Variants in WWC2 observed in about 807,000 individuals in gnomAD.
WWC2 encodes protein WWC2.
Under a neutral mutation model 138.5 loss-of-function variants are expected in WWC2, and 101 were observed. The observed-to-expected ratio is 0.73, with a 90% CI of 0.62 to 0.86. The LOEUF (loss-of-function observed/expected upper bound fraction) is 0.86, where lower values mean the gene tolerates loss of function less well. Among genes scored for constraint, WWC2 ranks in the 40% least tolerant of loss-of-function variants. The probability of loss-of-function intolerance (pLI) is 0.00; values close to 1 mark genes in which losing one functional copy is unlikely to be tolerated. For missense variants in WWC2, 1,420 were observed against 1,419.4 expected (o/e 1.00, Z -0.01); for synonymous variants, 558 against 538.4 (o/e 1.04, Z -0.50).
chr4:183,112,621 C>T (rs370716729), intron 1 of WWC2, among the ~76,000 whole-genome samples: 11 of 152,254 alleles, frequency 7.2e-5, no homozygotes, highest in East Asian at 1.9e-4. Context: ...TTCGGGGACA[C>T]GGTGTTGAAT....
rs78551452 is a variant in WWC2 at position 183,157,302 on chromosome 4, T to G, written c.132-36297T>G. Among the ~76,000 whole-genome samples the G allele has an allele frequency of 7.4e-3, 1,121 of 152,328 alleles. 35 individuals are homozygous for G. The highest frequency in any genetic ancestry group is 0.019 in the East Asian group (98 of 5,186). ...TAGATTCAGGTTATGCATTTTTGGCTGAAGTACGCTGTGTCCTTCTCAACA... is the reference window on the plus strand; with the variant it reads ...TAGATTCAGGTTATGCATTTTTGGCGGAAGTACGCTGTGTCCTTCTCAACA... On this transcript the variant is annotated intron_variant, in intron 1 of 22. Transcript: ENST00000403733.
chr4:183,319,482 C>T lies in WWC2; in HGVS notation c.*3753C>T, dbSNP rs745529424. 2 of 1,408,224 alleles carry T rather than the reference C, an allele frequency of 1.4e-6. No individual in the cohort carries two copies. The highest frequency in any genetic ancestry group is 4.5e-5 in the Admixed American group (2 of 44,186). 87.2% of individuals were successfully genotyped at this position (1,408,224 alleles called of 1,614,324 possible). ...AAAAATCAAAAGCACAGTGAGATGA[C>T]TAGAGCGGGACATCCTACCAAATCC... On this transcript the variant is annotated 3_prime_UTR_variant, in exon 23 of 23. Coordinates refer to ENST00000403733, the MANE Select transcript of WWC2 (RefSeq NM_024949.6).
In WWC2 at chr4:183,254,537, T is replaced by C. The variant is rs1737080213; in HGVS notation, c.1196+538T>C. Among the ~76,000 whole-genome samples, 4 of 152,342 alleles carry C rather than the reference T, an allele frequency of 2.6e-5. No individual in the cohort carries two copies. The South Asian group carries it at 8.3e-4, about 32-fold the overall frequency. On this transcript the variant is annotated intron_variant, in intron 9 of 22. Coordinates refer to ENST00000403733, the MANE Select transcript of WWC2 (RefSeq NM_024949.6). Reference sequence around the variant, plus strand: ...AATACTCTAGGCAATTTTCCCATCTTTCTCTGGGAAGGTGTGAGTTGATTA... The same window carrying C: ...AATACTCTAGGCAATTTTCCCATCTCTCTCTGGGAAGGTGTGAGTTGATTA...
intron 1 of WWC2, among the ~76,000 whole-genome samples, chr4:183,118,025 G>C (rs977476225): frequency 8.6e-5 from 13 of 151,696 alleles, no homozygotes; most frequent in East Asian, 3.9e-4. Flanking sequence ...GTCTTGAACT[G>C]CTGACTTCGT....
chr4:183,312,148 A>G (rs754897180), intron 21 of WWC2, among the ~76,000 whole-genome samples, 193 bp from the exon 22 acceptor site: 2 of 152,196 alleles, frequency 1.3e-5, no homozygotes, highest in Non-Finnish European at 2.9e-5. Flanking sequence ...TTACCCCAAA[A>G]TCAACATATG....
intron 1 of WWC2, among the ~76,000 whole-genome samples, chr4:183,192,042 C>G (rs951667647): frequency 6.6e-6 from 1 of 152,158 alleles, no homozygotes; most frequent in African/African-American, 2.4e-5. Context: ...GTATTTGTAA[C>G]AAGGTCCCAG....
chr4:183,222,662 T>A (rs1735965401), intron 4 of WWC2, among the ~76,000 whole-genome samples: 1 of 152,114 alleles, frequency 6.6e-6, no homozygotes. Flanking sequence ...AGAACAAATT[T>A]ACCTTACATA....
chr4:183,117,893 C>T (rs970387422), intron 1 of WWC2, among the ~76,000 whole-genome samples: 2 of 151,852 alleles, frequency 1.3e-5, no homozygotes, highest in Non-Finnish European at 1.5e-5. Flanking sequence ...TGCCGCTTCC[C>T]GGGTTCAAGC....
At chr4:183,255,352 G>T (rs1737103534) in intron 9 of WWC2, among the ~76,000 whole-genome samples, 1 of 152,274 alleles carries the variant, frequency 6.6e-6, no homozygotes, top group South Asian at 2.1e-4. Flanking sequence ...AGGCAAGGGA[G>T]AATTAATTTG....
intron 1 of WWC2, among the ~76,000 whole-genome samples, chr4:183,172,427 G>A (rs1734316373): frequency 6.6e-6 from 1 of 152,040 alleles, no homozygotes; most frequent in Admixed American, 6.6e-5. Context: ...TCTCATATGT[G>A]ATTAATATTT....
chr4:183,253,588 A>G lies in WWC2; in HGVS notation c.954-169A>G, dbSNP rs1002730936. On this transcript the variant is annotated intron_variant, in intron 8 of 22. Coordinates refer to ENST00000403733, the MANE Select transcript of WWC2 (RefSeq NM_024949.6). ...AGACAGGCCCAGAGACTGGTGTGCA[A>G]GGCTGCTGCTCCCACTCCGGCCTCT... 2.6e-5 allele frequency among the ~76,000 whole-genome samples: 4 copies of G among 152,120 alleles called. No individual in the cohort carries two copies. The South Asian group carries it at 8.3e-4, about 31-fold the overall frequency.
intron 1 of WWC2, among the ~76,000 whole-genome samples, chr4:183,107,402 C>T (rs909145478): frequency 1.3e-5 from 2 of 152,290 alleles, no homozygotes; most frequent in East Asian, 3.9e-4. Flanking sequence ...CCTACCTTGG[C>T]CTTCCAAAGT....
At chr4:183,294,905 A>C (rs1248085836) in intron 21 of WWC2, among the ~76,000 whole-genome samples, 1 of 152,200 alleles carries the variant, frequency 6.6e-6, no homozygotes, top group Non-Finnish European at 1.5e-5. Context: ...GGTAAAGTAG[A>C]TGTAAAGTAG....
chr4:183,286,184 G>A, intron 20 of WWC2, 125 bp downstream of exon 20: 1 of 875,196 alleles, frequency 1.1e-6, no homozygotes, highest in East Asian at 2.8e-5. Context: ...ACTGAATGCA[G>A]CCACTGGGAT....
chr4:183,172,290 G>C (rs781436680), intron 1 of WWC2, among the ~76,000 whole-genome samples: 1 of 152,006 alleles, frequency 6.6e-6, no homozygotes, highest in Non-Finnish European at 1.5e-5. Flanking sequence ...TCCTGTGTTG[G>C]GTGCTCATTT....
At chr4:183,145,330 A>G (rs1733422454) in intron 1 of WWC2, among the ~76,000 whole-genome samples, 1 of 151,154 alleles carries the variant, frequency 6.6e-6, no homozygotes, top group South Asian at 2.1e-4. Flanking sequence ...TTGAAAGTAT[A>G]TTTAGAAGGA....
intron 21 of WWC2, among the ~76,000 whole-genome samples, chr4:183,297,688 G>T (rs1182971613): frequency 6.6e-6 from 1 of 152,174 alleles, no homozygotes; most frequent in Non-Finnish European, 1.5e-5. Flanking sequence ...GGGATTACAG[G>T]CGTGAGCCAC....
At chr4:183,142,729 C>A (rs912473564) in intron 1 of WWC2, among the ~76,000 whole-genome samples, 5 of 152,170 alleles carry the variant, frequency 3.3e-5, no homozygotes, top group African/African-American at 1.2e-4. Flanking sequence ...CTGGCTTGCA[C>A]CAGTATGAGA....
intron 1 of WWC2, among the ~76,000 whole-genome samples, chr4:183,146,190 A>G (rs1733455948): frequency 1.3e-5 from 2 of 152,164 alleles, no homozygotes; most frequent in Non-Finnish European, 2.9e-5. Context: ...GGCTCATGCC[A>G]AGTGGGGTTC....
Sources: gnomAD v4.1 joint callset for allele counts (sites outside exome capture counted in the v4.1 genomes callset) on GRCh38, gnomAD v4.1.1 for gene constraint, MANE v1.5 for transcripts, NCBI Gene and HGNC (gene_info 2026-07-23, HGNC 2026-07-21) for gene names.